CHEK2: variants seen among roughly 807,000 people sequenced by gnomAD.
CHEK2 encodes the protein checkpoint kinase 2, also known as serine/threonine-protein kinase Chk2.
In CHEK2, 71 loss-of-function variants were observed where a neutral mutation model predicts 69.1. That is an observed-to-expected ratio of 1.03 (90% confidence interval 0.85 to 1.25). The LOEUF (loss-of-function observed/expected upper bound fraction) is 1.25. CHEK2 is among the 50% of genes most tolerant of loss of function. CHEK2 has a pLI of 0.00. For synonymous variants in CHEK2, 189 were observed against 226.9 expected, an observed-to-expected ratio of 0.83 and a Z score of 1.50; for missense variants, 664 against 649.6, an observed-to-expected ratio of 1.02 and a Z score of -0.24.
At chr22:28,730,684 C>G (rs2054188065) in intron 2 of CHEK2, 1 of 408,682 alleles carries the variant, frequency 2.4e-6, no homozygotes, top group Non-Finnish European at 4.5e-6. Context: ...ATGGTGAAAC[C>G]CCATCTCTAC....
chr22:28,708,300 G>A (rs1034965190), intron 7 of CHEK2, among the ~76,000 whole-genome samples: 2 of 151,532 alleles, frequency 1.3e-5, no homozygotes, highest in Non-Finnish European at 2.9e-5. Context: ...TGAGGCTGCA[G>A]TGAGCTATGA....
chr22:28,717,438 T>C (rs1295785020), intron 5 of CHEK2, among the ~76,000 whole-genome samples: 1 of 152,076 alleles, frequency 6.6e-6, no homozygotes, highest in African/African-American at 2.4e-5. Flanking sequence ...AATGAATTAA[T>C]ATAAAAATGT....
chr22:28,708,003 A>AT (rs572802170), intron 7 of CHEK2, among the ~76,000 whole-genome samples: 7,220 of 150,282 alleles, frequency 0.048, 197 homozygotes, highest in Middle Eastern at 0.075. Context: ...CGCCCGGCTA[A>AT]TTTTTTTTTG....
At chr22:28,715,533 C>T (rs2053559754) in intron 5 of CHEK2, among the ~76,000 whole-genome samples, 1 of 151,996 alleles carries the variant, frequency 6.6e-6, no homozygotes, top group Non-Finnish European at 1.5e-5. Flanking sequence ...GATTCTCTTG[C>T]CTCAACCTCC....
At chr22:28,711,557 C>G (rs1017320048) in intron 6 of CHEK2, among the ~76,000 whole-genome samples, 1 of 152,022 alleles carries the variant, frequency 6.6e-6, no homozygotes, top group Non-Finnish European at 1.5e-5. Context: ...AAACTGAAAA[C>G]AGCTGTGGGG....
At chr22:28,702,135 C>CTGTGTGTGTGTGTGTGTGTGTGTG (rs141703411) in intron 8 of CHEK2, among the ~76,000 whole-genome samples, 2 of 140,408 alleles carry the variant, frequency 1.4e-5, no homozygotes, top group East Asian at 2.1e-4. Flanking sequence ...GTGTGTGTGT[C>CTGTGTGTGTGTGTGTGTGTGTGTG]TGTGTGTGTG....
At chr22:28,730,214 G>T (rs1463242165) in intron 2 of CHEK2, among the ~76,000 whole-genome samples, 2 of 136,430 alleles carry the variant, frequency 1.5e-5, no homozygotes, top group African/African-American at 5.5e-5. Flanking sequence ...GAGGAAGAGA[G>T]AAGAGGAGAG....
At chr22:28,719,595 T>C (rs899967660) in intron 4 of CHEK2, 110 bp from the exon 5 acceptor site, 1 of 679,824 alleles carries the variant, frequency 1.5e-6, no homozygotes, top group Admixed American at 2.6e-5. Flanking sequence ...TTTAACTACA[T>C]TTAACATGTA....
At position 28,719,500 on chromosome 22, in the gene CHEK2, A is replaced by G. The variant is rs757717459; in HGVS notation, c.593-15T>C. On this transcript the variant is annotated splice_polypyrimidine_tract_variant and intron_variant, in intron 4 of 14. Coordinates refer to ENST00000404276, the MANE Select transcript of CHEK2 (RefSeq NM_007194.4). Reference sequence around the variant, plus strand: ...AAAGACAAAAACTAAGGAAGAAAAGAGTAGAAATGGGTTTCATTAATTTAT... The same window carrying G: ...AAAGACAAAAACTAAGGAAGAAAAGGGTAGAAATGGGTTTCATTAATTTAT... 13 of 1,459,384 alleles carry G rather than the reference A, an allele frequency of 8.9e-6. No homozygotes were observed. In the South Asian group the frequency reaches 1.3e-4, roughly 15 times the overall value. The allele number at this position is 1,459,384 out of a possible 1,614,324, so 90.4% of individuals were successfully genotyped here. A position where few individuals can be genotyped will look rare whatever the true frequency, so the allele number is the denominator to read the frequency against.
At chr22:28,729,051 T>C (rs2054104042) in intron 2 of CHEK2, among the ~76,000 whole-genome samples, 1 of 152,142 alleles carries the variant, frequency 6.6e-6, no homozygotes, top group African/African-American at 2.4e-5. Flanking sequence ...ATACCAATTA[T>C]TCTCAAACTT....
chr22:28,730,679 G>GA (rs915700242), intron 2 of CHEK2: 29 of 420,178 alleles, frequency 6.9e-5, no homozygotes, highest in African/African-American at 5.9e-4. Context: ...CCAACATGGT[G>GA]AAACCCCATC....
rs916414169 is a variant in CHEK2 at position 28,702,113 on chromosome 22, G to A, written c.908+1392C>T. ...ATTCCAGGCACGTGCCACTATGCCC[G>A]GCTAATTTTGTGTGTGTGTGTCTGT... On this transcript the variant is annotated intron_variant, in intron 8 of 14. Coordinates refer to ENST00000404276, the MANE Select transcript of CHEK2 (RefSeq NM_007194.4). 4.4e-5 allele frequency among the ~76,000 whole-genome samples: 6 copies of A among 137,060 alleles called. No homozygotes were observed. The East Asian group carries it at 8.5e-4, about 19-fold the overall frequency. The allele number at this position is 137,060 out of a possible 152,430, so 89.9% of individuals were successfully genotyped here.
At chr22:28,703,836 C>T (rs888984027) in intron 7 of CHEK2, among the ~76,000 whole-genome samples, 2 of 152,114 alleles carry the variant, frequency 1.3e-5, no homozygotes, top group Admixed American at 6.5e-5. Flanking sequence ...GGAATGAAGG[C>T]TAGGTCTCTT....
intron 4 of CHEK2, among the ~76,000 whole-genome samples, chr22:28,721,929 C>A (rs2053801363): frequency 6.6e-6 from 1 of 151,968 alleles, no homozygotes; most frequent in Non-Finnish European, 1.5e-5. Context: ...TGGGGTCTCA[C>A]TATGTTGCCC....
chr22:28,720,092 A>ATTTTT (rs66862903), intron 4 of CHEK2, among the ~76,000 whole-genome samples: 1 of 134,472 alleles, frequency 7.4e-6, no homozygotes, highest in Non-Finnish European at 1.5e-5. Flanking sequence ...AAAAAAAGTA[A>ATTTTT]TTTTTTTTTT....
intron 1 of CHEK2, among the ~76,000 whole-genome samples, chr22:28,735,435 A>G (rs1460185154): frequency 6.6e-6 from 1 of 151,960 alleles, no homozygotes; most frequent in Non-Finnish European, 1.5e-5. Context: ...TACAGTCCTC[A>G]ATTTAACAAT....
Position 28,693,870 on chromosome 22 carries a change from T to A in CHEK2, c.1461+162A>T, listed in dbSNP as rs556432704. 3.0e-3 allele frequency among the ~76,000 whole-genome samples: 459 copies of A among 151,174 alleles called. 1 individual carries two copies. Among genetic ancestry groups the A allele is most frequent in the Middle Eastern group, 0.02 (6 of 294 alleles). On this transcript the variant is annotated intron_variant, in intron 13 of 14. Coordinates refer to ENST00000404276, the MANE Select transcript of CHEK2 (RefSeq NM_007194.4). ...CAAGAACCTGTCTCAAAAAAAAAAA[T>A]AAAACAGGTTGTAACCCATCCTCCA... is the stretch of plus-strand genomic sequence containing the variant.
chr22:28,715,523 G>A (rs1343660382), intron 5 of CHEK2, among the ~76,000 whole-genome samples: 2 of 151,468 alleles, frequency 1.3e-5, no homozygotes, highest in Admixed American at 1.3e-4. Flanking sequence ...GGGTTCAATC[G>A]ATTCTCTTGC....
Position 28,719,410 on chromosome 22 carries a change from G to C in CHEK2, c.668C>G (p.Ser223Ter), listed in dbSNP as rs769193111. The C allele has an allele frequency of 6.3e-7, 1 of 1,584,710 alleles. No homozygotes were observed. ...PKALRDEYIM[S>*]KTLGSGACGE... ...AATAATTTACCTTCCAAGAGTTTTT[G>C]ACATGATGTATTCATCTCTTAATGC... Residue 223 changes from serine (S) to a stop codon, truncating the protein, a stop_gained, in exon 5 of 15, where the codon TCA (serine) becomes TGA (stop). Coordinates refer to ENST00000404276, the MANE Select transcript of CHEK2 (RefSeq NM_007194.4). LOFTEE classifies it high-confidence loss of function.
Sources: allele counts gnomAD v4.1 joint callset (sites outside exome capture counted in the v4.1 genomes callset), GRCh38; gene constraint gnomAD v4.1.1; transcripts MANE v1.5; gene names NCBI Gene and HGNC (gene_info 2026-07-23, HGNC 2026-07-21).